The following PCDHGB6 variants were observed in gnomAD, a reference collection of about 807,000 sequenced individuals.
The protein encoded by PCDHGB6 is protocadherin gamma-B6.
A neutral mutation model predicts 59.1 loss-of-function variants in PCDHGB6; 51 were observed. The ratio of observed to expected loss-of-function variants is 0.86; its 90% CI spans 0.69 to 1.09. The LOEUF (loss-of-function observed/expected upper bound fraction) is 1.09. PCDHGB6 is among the 50% of genes least tolerant of loss of function. PCDHGB6 has a pLI of 0.00. For synonymous variants in PCDHGB6, 466 were observed against 495.1 expected, an observed-to-expected ratio of 0.94 and a Z score of 0.78; for missense variants, 1,148 against 1,205.1, an observed-to-expected ratio of 0.95 and a Z score of 0.70.
intron 1 of PCDHGB6, among the ~76,000 whole-genome samples, chr5:141,452,253 T>G (rs2098736880): frequency 6.6e-6 from 1 of 152,166 alleles, no homozygotes; most frequent in Admixed American, 6.5e-5. Context: ...TTGCCATAAC[T>G]CTCTCATTTT....
At chr5:141,507,797 C>A (rs933921827) in intron 3 of PCDHGB6, among the ~76,000 whole-genome samples, 1 of 152,240 alleles carries the variant, frequency 6.6e-6, no homozygotes, top group Admixed American at 6.5e-5. Context: ...TCTAAGCCTG[C>A]GCCCTGGGGA....
Position 141,477,447 on chromosome 5 carries a change from G to T in PCDHGB6, c.2419-17360G>T, listed in dbSNP as rs779097830. The T allele has an allele frequency of 6.2e-7, 1 of 1,614,098 alleles. No homozygotes were observed. Among genetic ancestry groups the T allele is most frequent in the Non-Finnish European group, 8.5e-7 (1 of 1,180,016 alleles). ...TCCCTCTCAGCCCTTACAATAGTGCGTGTTCAAGTGTCCGACATCAATGAC... is the reference window on the plus strand; with the variant it reads ...TCCCTCTCAGCCCTTACAATAGTGCTTGTTCAAGTGTCCGACATCAATGAC... On this transcript the variant is annotated intron_variant, in intron 1 of 3. Coordinates refer to ENST00000520790, the MANE Select transcript of PCDHGB6 (RefSeq NM_018926.3). This position sits in a 1 kb window ranked among gnomAD's most constrained non-coding sequence, Gnocchi z 4.9.
chr5:141,505,270 G>C, intron 2 of PCDHGB6, 123 bp from the exon 3 acceptor site: 1 of 1,520,726 alleles, frequency 6.6e-7, no homozygotes, highest in African/African-American at 1.4e-5. Context: ...CTTGCTGAGA[G>C]AAACAGGTCT....
At chr5:141,421,994 T>A (rs765586654) in intron 1 of PCDHGB6, 3 of 1,608,922 alleles carry the variant, frequency 1.9e-6, no homozygotes, top group Non-Finnish European at 2.5e-6. Flanking sequence ...CCAGAAAACA[T>A]CAGCTCCGGA....
intron 1 of PCDHGB6, chr5:141,421,219 G>T (rs894586889): frequency 1.0e-5 from 16 of 1,573,208 alleles, no homozygotes; most frequent in Non-Finnish European, 1.3e-5. Context: ...TATCGGCTTA[G>T]AGCCTGCCAT....
At chr5:141,468,597 T>C in intron 1 of PCDHGB6, 1 of 152,224 alleles carries the variant, frequency 6.6e-6, no homozygotes, top group East Asian at 1.9e-4. Context: ...CTGGGCGCGG[T>C]GGCTCACGCC....
At chr5:141,457,524 G>A (rs1427291573) in intron 1 of PCDHGB6, among the ~76,000 whole-genome samples, 1 of 152,188 alleles carries the variant, frequency 6.6e-6, no homozygotes, top group African/African-American at 2.4e-5. Context: ...CAATTAATGA[G>A]ACTAGGGTTT....
chr5:141,496,523 G>T (rs1159517569), intron 2 of PCDHGB6, among the ~76,000 whole-genome samples: 1 of 152,128 alleles, frequency 6.6e-6, no homozygotes, highest in Non-Finnish European at 1.5e-5. Context: ...GGAGCCCTTG[G>T]TGTATGGCAG....
chr5:141,488,793 C>G (rs1274193018), intron 1 of PCDHGB6, among the ~76,000 whole-genome samples: 1 of 152,172 alleles, frequency 6.6e-6, no homozygotes, highest in African/African-American at 2.4e-5. Context: ...TTTGTCTTCC[C>G]TGTTGAGTAC....
In PCDHGB6 at chr5:141,485,115, G is replaced by T. The variant is rs1043877839; in HGVS notation, c.2419-9692G>T. On this transcript the variant is annotated intron_variant, in intron 1 of 3. Transcript: ENST00000520790. This position sits in a 1 kb window ranked among gnomAD's most constrained non-coding sequence, Gnocchi z 5.7. ...GTGTCTCCAGCTGCTGTGGCTGTTT[G>T]GGGCGGGTCGGCTTCATCCGCGTCT... The T allele has an allele frequency of 3.8e-6, 5 of 1,300,464 alleles. No homozygotes were observed. The African/African-American group carries it at 5.8e-5, about 15-fold the overall frequency. The allele number at this position is 1,300,464 out of a possible 1,614,324, so 80.6% of individuals were successfully genotyped here.
In PCDHGB6 at chr5:141,486,070, T is replaced by G; in HGVS notation, c.2419-8737T>G. The G allele has an allele frequency of 6.2e-7, 1 of 1,614,158 alleles. No individual in the cohort carries two copies. Among genetic ancestry groups the G allele is most frequent in the Non-Finnish European group, 8.5e-7 (1 of 1,180,010 alleles). On this transcript the variant is annotated intron_variant, in intron 1 of 3. Coordinates refer to ENST00000520790, the MANE Select transcript of PCDHGB6 (RefSeq NM_018926.3). This position sits in a 1 kb window ranked among gnomAD's most constrained non-coding sequence, Gnocchi z 5.0. ...ACCTCTTTAGCCTGCACCCCACTAC[T>G]GGAAAGCTTACTCTTTTGGGGCCCC...
intron 1 of PCDHGB6, among the ~76,000 whole-genome samples, chr5:141,451,435 G>T (rs947210577): frequency 6.6e-6 from 1 of 152,234 alleles, no homozygotes; most frequent in Non-Finnish European, 1.5e-5. Flanking sequence ...AAGGGTTCCA[G>T]TTCCTTGCTG....
Position 141,491,686 on chromosome 5 carries a change from C to A in PCDHGB6, c.2419-3121C>A. The A allele has an allele frequency of 6.2e-7, 1 of 1,612,970 alleles. No homozygotes were observed. The highest frequency in any genetic ancestry group is 8.5e-7 in the Non-Finnish European group (1 of 1,179,558). Reference sequence around the variant, plus strand: ...CATCCGGTCCCGCTCTAATACGCTGCGGGAGCGGAGCCAGGTGAGGGGCTC... The same window carrying A: ...CATCCGGTCCCGCTCTAATACGCTGAGGGAGCGGAGCCAGGTGAGGGGCTC... On this transcript the variant is annotated intron_variant, in intron 1 of 3. Coordinates refer to ENST00000520790, the MANE Select transcript of PCDHGB6 (RefSeq NM_018926.3). The surrounding 1 kb of genome is among the most constrained non-coding windows in gnomAD (Gnocchi z 6.9).
intron 1 of PCDHGB6, among the ~76,000 whole-genome samples, chr5:141,437,777 C>T (rs998490046): frequency 2.0e-5 from 3 of 148,970 alleles, no homozygotes; most frequent in Admixed American, 6.7e-5. Context: ...CTCAATCTGT[C>T]GCCAAGCTGG....
rs778209794 is a variant in PCDHGB6 at position 141,408,298 on chromosome 5, G to C, written c.96G>C (p.Pro32=). The C allele has an allele frequency of 4.3e-6, 7 of 1,613,586 alleles. No homozygotes were observed. The Admixed American group carries it at 5.0e-5, about 12-fold the overall frequency. ...TGTTCTACCCCACCCTGAGTGAGCCGATCCGCTACTCGATTCCGGAGGAGC... is the reference window on the plus strand; with the variant it reads ...TGTTCTACCCCACCCTGAGTGAGCCCATCCGCTACTCGATTCCGGAGGAGC... ...LPLFYPTLSE[P]IRYSIPEELA... Residue 32 remains proline (P), a synonymous_variant, in exon 1 of 4, where the codon CCG becomes CCC. Coordinates refer to ENST00000520790, the MANE Select transcript of PCDHGB6 (RefSeq NM_018926.3).
chr5:141,447,709 T>C (rs896203283), intron 1 of PCDHGB6, among the ~76,000 whole-genome samples: 1 of 152,210 alleles, frequency 6.6e-6, no homozygotes, highest in East Asian at 1.9e-4. Context: ...TATAAGGATG[T>C]ACACATTTTC....
chr5:141,478,394 G>T (rs2099453142), intron 1 of PCDHGB6: 4 of 1,613,586 alleles, frequency 2.5e-6, no homozygotes, highest in Non-Finnish European at 3.4e-6. Flanking sequence ...TTACCATCAG[G>T]TGTATCTCAC....
intron 1 of PCDHGB6, chr5:141,415,453 G>A (rs759873920): frequency 1.9e-6 from 3 of 1,614,176 alleles, no homozygotes. Context: ...CTATTCCCAC[G>A]AGGTCTCTCT....
chr5:141,466,486 T>C (rs1005010773), intron 1 of PCDHGB6, among the ~76,000 whole-genome samples: 1 of 152,240 alleles, frequency 6.6e-6, no homozygotes, highest in Non-Finnish European at 1.5e-5. Flanking sequence ...GTAGGTCTTC[T>C]TTAATTAGAG....
Sources: gnomAD v4.1 joint callset for allele counts (sites outside exome capture counted in the v4.1 genomes callset) on GRCh38, gnomAD v4.1.1 for gene constraint, Gnocchi (gnomAD v3.1) non-coding constraint, MANE v1.5 for transcripts, NCBI Gene and HGNC (gene_info 2026-07-23, HGNC 2026-07-21) for gene names.